Variants in PSD3 observed in about 807,000 individuals in gnomAD.
PSD3 encodes PH and SEC7 domain-containing protein 3.
A neutral mutation model predicts 105.5 loss-of-function variants in PSD3; 49 were observed. The ratio of observed to expected loss-of-function variants is 0.46; its 90% confidence interval spans 0.37 to 0.59. The LOEUF (loss-of-function observed/expected upper bound fraction) is 0.59. Among genes scored for constraint, PSD3 ranks in the 20% least tolerant of loss-of-function variants. PSD3 has a pLI of 0.00. For missense variants in PSD3, 1,561 were observed against 1,263.8 expected (o/e 1.24, Z -3.57); for synonymous variants, 557 against 457.8 (o/e 1.22, Z -2.77).
intron 8 of PSD3, among the ~76,000 whole-genome samples, chr8:18,782,330 A>C (rs936845659): frequency 1.3e-5 from 2 of 152,084 alleles, no homozygotes; most frequent in Admixed American, 1.3e-4. Context: ...GAAGGGAAAG[A>C]CATTTTTTTC....
chr8:18,695,449 T>C (rs191579627), intron 9 of PSD3, among the ~76,000 whole-genome samples: 1 of 152,382 alleles, frequency 6.6e-6, no homozygotes, highest in Non-Finnish European at 1.5e-5. Context: ...TTCTTCCATG[T>C]ATGCCAGAAG....
rs28419546 is a variant in PSD3, at chr8:18,704,569, T to G, written c.2173-48884A>C. Among the ~76,000 whole-genome samples the G allele has an allele frequency of 9.4e-3, 1,438 of 152,306 alleles. 28 individuals carry two copies. The highest frequency in any genetic ancestry group is 0.033 in the African/African-American group (1,385 of 41,564). ...GCCAGGCTGGCTGGTCTTGAACTCC[T>G]GACCTCGTGATCTGCCTGCCTCAGC... On this transcript the variant is annotated intron_variant, in intron 9 of 15. Transcript: ENST00000327040.
At chr8:18,590,034 C>A (rs1803478663) in intron 12 of PSD3, among the ~76,000 whole-genome samples, 1 of 151,698 alleles carries the variant, frequency 6.6e-6, no homozygotes, top group South Asian at 2.1e-4. Flanking sequence ...AAAACAAAAA[C>A]AAGCAAAGAA....
At chr8:18,717,139 C>T (rs1802651793) in intron 9 of PSD3, among the ~76,000 whole-genome samples, 1 of 152,098 alleles carries the variant, frequency 6.6e-6, no homozygotes, top group Non-Finnish European at 1.5e-5. Context: ...TTTTTTTGTT[C>T]CCGTCTCCAA....
chr8:18,836,623 C>T (rs995290556), intron 4 of PSD3, among the ~76,000 whole-genome samples: 1 of 152,070 alleles, frequency 6.6e-6, no homozygotes, highest in Non-Finnish European at 1.5e-5. Context: ...TTCTGGATAC[C>T]ACAATTTATG....
intron 7 of PSD3, among the ~76,000 whole-genome samples, chr8:18,799,678 T>C (rs1207495819): frequency 1.3e-5 from 2 of 152,156 alleles, no homozygotes; most frequent in African/African-American, 4.8e-5. Flanking sequence ...TAGTGATCTA[T>C]ACATAGTACA....
In PSD3 at chr8:18,735,253, T is replaced by C. The variant is rs550134274; in HGVS notation, c.2172+30196A>G. Among the ~76,000 whole-genome samples the C allele has an allele frequency of 1.6e-3, 236 of 152,166 alleles. 1 individual carries two copies. Among genetic ancestry groups the C allele is most frequent in the Non-Finnish European group, 3.1e-3 (209 of 67,986 alleles). On this transcript the variant is annotated intron_variant, in intron 9 of 15. Coordinates refer to ENST00000327040, the MANE Select transcript of PSD3 (RefSeq NM_015310.4). ...TACTTACCGCCAGGGCAGAAGAGCATGTTGAGATACGGAAATAATGGTGCC... is the reference window on the plus strand; with the variant it reads ...TACTTACCGCCAGGGCAGAAGAGCACGTTGAGATACGGAAATAATGGTGCC...
At chr8:18,883,409 T>C (rs993833459) in intron 2 of PSD3, among the ~76,000 whole-genome samples, 1 of 152,192 alleles carries the variant, frequency 6.6e-6, no homozygotes, top group Non-Finnish European at 1.5e-5. Flanking sequence ...CCCCGGTCCC[T>C]TTCCAAGAGA....
chr8:18,618,724 A>C lies in PSD3; in HGVS notation c.2410+13889T>G, dbSNP rs143781187. Among the ~76,000 whole-genome samples the C allele has an allele frequency of 3.8e-3, 573 of 151,544 alleles. 9 individuals are homozygous for C. Among genetic ancestry groups the C allele is most frequent in the African/African-American group, 0.013 (546 of 41,286 alleles). On this transcript the variant is annotated intron_variant, in intron 11 of 15. Coordinates refer to ENST00000327040, the MANE Select transcript of PSD3 (RefSeq NM_015310.4). The stretch of plus-strand genomic sequence containing the variant: ...ATATTCTTTTCTTTTCTATTTTTGT[A>C]AGACGGAGTGCAGTGGTGTAATCAT...
intron 11 of PSD3, among the ~76,000 whole-genome samples, chr8:18,612,170 C>T (rs1426534141): frequency 6.6e-6 from 1 of 152,128 alleles, no homozygotes; most frequent in Non-Finnish European, 1.5e-5. Flanking sequence ...TTTGTTTCTG[C>T]CCATATATAA....
At chr8:18,774,591 T>G in intron 8 of PSD3, 1 of 371,974 alleles carries the variant, frequency 2.7e-6, no homozygotes, top group South Asian at 2.2e-5. Flanking sequence ...AGCCTGTTCC[T>G]GCTGCTGCTG....
chr8:18,670,874 T>TG (rs1223987804), intron 9 of PSD3, among the ~76,000 whole-genome samples: 2 of 151,390 alleles, frequency 1.3e-5, no homozygotes, highest in Non-Finnish European at 2.9e-5. Context: ...GGGAGCAGGG[T>TG]GGGGGGATTT....
intron 9 of PSD3, among the ~76,000 whole-genome samples, chr8:18,665,721 C>A (rs1799413395): frequency 6.6e-6 from 1 of 152,128 alleles, no homozygotes; most frequent in Non-Finnish European, 1.5e-5. Flanking sequence ...GGGTGGCGTG[C>A]ATGCCAATGG....
intron 4 of PSD3, among the ~76,000 whole-genome samples, chr8:18,847,818 T>C (rs561953239): frequency 1.6e-4 from 24 of 152,338 alleles, no homozygotes; most frequent in Non-Finnish European, 2.8e-4. Flanking sequence ...AGAGTCACGC[T>C]GGCCTTGGAT....
At chr8:18,793,622 A>G (rs1199529480) in intron 8 of PSD3, among the ~76,000 whole-genome samples, 1 of 152,194 alleles carries the variant, frequency 6.6e-6, no homozygotes. Flanking sequence ...AGAAATTATG[A>G]CCATGGATGG....
At chr8:19,030,347 G>A (rs1487917320) in intron 1 of PSD3, among the ~76,000 whole-genome samples, 3 of 152,086 alleles carry the variant, frequency 2.0e-5, no homozygotes, top group African/African-American at 4.8e-5. Context: ...TATTGTATTA[G>A]TCTGCTGATA....
intron 14 of PSD3, among the ~76,000 whole-genome samples, chr8:18,567,589 A>G (rs1801872297): frequency 6.6e-6 from 1 of 152,206 alleles, no homozygotes; most frequent in Admixed American, 6.5e-5. Flanking sequence ...TAAGCATTCA[A>G]TATATGTTAA....
At chr8:18,807,006 T>A (rs867289968) in intron 4 of PSD3, among the ~76,000 whole-genome samples, 3 of 152,216 alleles carry the variant, frequency 2.0e-5, no homozygotes, top group Non-Finnish European at 4.4e-5. Context: ...CCGGATTTTA[T>A]ACTTTAATAA....
intron 2 of PSD3, among the ~76,000 whole-genome samples, chr8:18,893,394 G>C (rs1818936755): frequency 6.6e-6 from 1 of 152,188 alleles, no homozygotes; most frequent in Non-Finnish European, 1.5e-5. Context: ...TGGGCAACAG[G>C]AACCAGCCAG....
Sources: allele counts gnomAD v4.1 joint callset (sites outside exome capture counted in the v4.1 genomes callset), GRCh38; gene constraint gnomAD v4.1.1; transcripts MANE v1.5; gene names NCBI Gene and HGNC (gene_info 2026-07-23, HGNC 2026-07-21).